The following ASTN2 variants were observed in gnomAD, a reference collection of about 807,000 sequenced individuals.
ASTN2 encodes astrotactin 2.
In ASTN2, 54 loss-of-function variants were observed where a neutral mutation model predicts 139.8. The observed-to-expected ratio is 0.39, with a 90% CI of 0.31 to 0.48. The LOEUF is 0.48. Among genes scored for constraint, ASTN2 ranks in the 20% least tolerant of loss-of-function variants. The pLI, the probability that ASTN2 is intolerant of heterozygous loss-of-function variation, is 0.95. For missense variants in ASTN2, 1,565 were observed against 1,725.1 expected (o/e 0.91, Z 1.64); for synonymous variants, 756 against 719.5 (o/e 1.05, Z -0.81).
chr9:117,133,787 G>A (rs1829878922), intron 4 of ASTN2, among the ~76,000 whole-genome samples: 1 of 152,146 alleles, frequency 6.6e-6, no homozygotes, highest in South Asian at 2.1e-4. Context: ...AGAGAAAATG[G>A]TTTAAAGGTC....
At chr9:116,515,666 G>A (rs925990941) in intron 19 of ASTN2, among the ~76,000 whole-genome samples, 1 of 152,158 alleles carries the variant, frequency 6.6e-6, no homozygotes, top group Non-Finnish European at 1.5e-5. Flanking sequence ...ATGCATTTGA[G>A]TTGAGGTTAC....
At chr9:116,992,874 T>C (rs192339746) in intron 7 of ASTN2, among the ~76,000 whole-genome samples, 2 of 152,288 alleles carry the variant, frequency 1.3e-5, no homozygotes, top group Admixed American at 6.5e-5. Context: ...CACTAAATAA[T>C]AGCAATGAAT....
At chr9:116,494,705 G>A (rs1334925506) in intron 19 of ASTN2, among the ~76,000 whole-genome samples, 1 of 152,170 alleles carries the variant, frequency 6.6e-6, no homozygotes, top group Non-Finnish European at 1.5e-5. Context: ...AAAACCTAAT[G>A]AATTCAGTGA....
intron 20 of ASTN2, among the ~76,000 whole-genome samples, chr9:116,446,638 C>T (rs898061161): frequency 1.3e-5 from 2 of 152,126 alleles, no homozygotes; most frequent in African/African-American, 4.8e-5. Flanking sequence ...ATGAAAGAGG[C>T]GGCTCATGGA....
At chr9:117,076,023 C>T (rs1828271429) in intron 5 of ASTN2, among the ~76,000 whole-genome samples, 1 of 152,180 alleles carries the variant, frequency 6.6e-6, no homozygotes, top group African/African-American at 2.4e-5. Context: ...AAGCCTGCTC[C>T]ATAGGCCCTG....
chr9:117,282,845 G>A (rs1245217483), intron 2 of ASTN2, among the ~76,000 whole-genome samples: 2 of 149,786 alleles, frequency 1.3e-5, no homozygotes, highest in African/African-American at 5.1e-5. Flanking sequence ...AGCATGGTGT[G>A]GCCAAGGCAC....
intron 1 of ASTN2, among the ~76,000 whole-genome samples, chr9:117,394,221 C>T (rs925609715): frequency 6.6e-6 from 1 of 152,150 alleles, no homozygotes. Flanking sequence ...CCTTCCATCC[C>T]CTCAAGGCTT....
chr9:116,706,750 G>A (rs1827996630), intron 16 of ASTN2, among the ~76,000 whole-genome samples: 1 of 142,880 alleles, frequency 7.0e-6, no homozygotes, highest in Admixed American at 7.4e-5. Context: ...ACTGACTCTT[G>A]CTGGCTAGAA....
At chr9:117,258,095 G>A (rs1350060410) in intron 2 of ASTN2, among the ~76,000 whole-genome samples, 2 of 152,170 alleles carry the variant, frequency 1.3e-5, no homozygotes, top group Non-Finnish European at 1.5e-5. Context: ...AGGAAGGAAC[G>A]ATTGTGGCCC....
chr9:116,990,418 C>A (rs1417866077), intron 7 of ASTN2, among the ~76,000 whole-genome samples: 1 of 148,464 alleles, frequency 6.7e-6, no homozygotes, highest in Non-Finnish European at 1.5e-5. Context: ...AGGCATGCAC[C>A]ACCATGCTCG....
intron 2 of ASTN2, among the ~76,000 whole-genome samples, chr9:117,259,039 T>C (rs116806257): frequency 0.015 from 2,254 of 152,268 alleles, 68 homozygotes; most frequent in African/African-American, 0.052. Flanking sequence ...AAAATAGCTC[T>C]TTCACAGATA....
intron 10 of ASTN2, among the ~76,000 whole-genome samples, chr9:116,897,273 G>A (rs1335106139): frequency 6.6e-6 from 1 of 152,190 alleles, no homozygotes; most frequent in African/African-American, 2.4e-5. Flanking sequence ...GCTCTGTGAC[G>A]ATTGTCAAGT....
chr9:116,910,113 T>C (rs573316081), intron 10 of ASTN2, among the ~76,000 whole-genome samples: 1 of 151,460 alleles, frequency 6.6e-6, no homozygotes, highest in East Asian at 1.9e-4. Flanking sequence ...ACAAGTACAG[T>C]CCAAATTTTT....
chr9:116,578,758 G>T (rs11787627), intron 19 of ASTN2, among the ~76,000 whole-genome samples: 1 of 146,280 alleles, frequency 6.8e-6, no homozygotes, highest in Non-Finnish European at 1.5e-5. Flanking sequence ...AAAAAGCTGC[G>T]TTTTTCAAAT....
At position 116,698,242 on chromosome 9, in the gene ASTN2, A is replaced by G. The variant is rs1302736352; in HGVS notation, c.2806+27529T>C. The G allele has an allele frequency of 1.9e-6, 3 of 1,614,162 alleles. No individual in the cohort carries two copies. The highest frequency in any genetic ancestry group is 2.5e-6 in the Non-Finnish European group (3 of 1,180,034). ...CTTATGGGGGAGCTGCAGCGGCGGA[A>G]GGCAGCCTTGGAAGGTGTCTCCAAG... On this transcript the variant is annotated intron_variant, in intron 16 of 22. Transcript: ENST00000313400. The surrounding 1 kb of genome is among the most constrained non-coding windows in gnomAD (Gnocchi z 4.4).
chr9:116,665,322 G>A (rs904706486), intron 16 of ASTN2, among the ~76,000 whole-genome samples: 2 of 152,108 alleles, frequency 1.3e-5, no homozygotes, highest in African/African-American at 2.4e-5. Context: ...AAGCCATTAC[G>A]TTACTGTGAT....
intron 13 of ASTN2, among the ~76,000 whole-genome samples, chr9:116,770,565 A>G (rs931835282): frequency 2.0e-5 from 3 of 152,058 alleles, no homozygotes; most frequent in Non-Finnish European, 4.4e-5. Flanking sequence ...CTCTTTCTCT[A>G]TACCTTGTCA....
At chr9:116,702,664 G>C (rs1827862234) in intron 16 of ASTN2, among the ~76,000 whole-genome samples, 1 of 152,112 alleles carries the variant, frequency 6.6e-6, no homozygotes, top group Non-Finnish European at 1.5e-5. Flanking sequence ...AGCCCCCTTA[G>C]ATTAGATAAA....
chr9:117,003,604 G>C (rs1837258588), intron 7 of ASTN2, among the ~76,000 whole-genome samples: 1 of 128,656 alleles, frequency 7.8e-6, no homozygotes, highest in Non-Finnish European at 1.7e-5. Context: ...TTTCAAACTG[G>C]CTAACACACA....
Sources: gnomAD v4.1 joint callset for allele counts (sites outside exome capture counted in the v4.1 genomes callset) on GRCh38, gnomAD v4.1.1 for gene constraint, Gnocchi (gnomAD v3.1) non-coding constraint, MANE v1.5 for transcripts, NCBI Gene and HGNC (gene_info 2026-07-23, HGNC 2026-07-21) for gene names.